The following OCA2 variants were observed in gnomAD, a reference collection of about 807,000 sequenced individuals.
OCA2 encodes P protein.
OCA2 carries 77 observed loss-of-function variants against 100.2 expected under a neutral mutation model. The ratio of observed to expected loss-of-function variants is 0.77; its 90% CI spans 0.64 to 0.93. OCA2 has a LOEUF of 0.93. Ranked by LOEUF, OCA2 falls within the 40% of genes least tolerant of loss-of-function variation. The probability of loss-of-function intolerance (pLI) is 0.00; values close to 1 mark genes in which losing one functional copy is unlikely to be tolerated. For synonymous variants in OCA2, 432 were observed against 439.2 expected (o/e 0.98, Z 0.21); for missense variants, 1,062 against 1,089.1 (o/e 0.98, Z 0.35).
chr15:27,923,900 T>C (rs2038954167), intron 19 of OCA2, among the ~76,000 whole-genome samples: 1 of 152,228 alleles, frequency 6.6e-6, no homozygotes. Flanking sequence ...TTTGTTGCAA[T>C]TGCTTTTGGC....
chr15:27,749,839 C>CT, the OCA2 span, among the ~76,000 whole-genome samples: 43 of 152,164 alleles, frequency 2.8e-4, 2 homozygotes, highest in Middle Eastern at 6.8e-3. Flanking sequence ...CAAAAGAGAC[C>CT]TAAATAAATG....
chr15:27,924,403 T>G (rs889800717), intron 19 of OCA2, among the ~76,000 whole-genome samples: 4 of 152,208 alleles, frequency 2.6e-5, no homozygotes, highest in Admixed American at 1.3e-4. Flanking sequence ...TGTCTTTTTT[T>G]TATCATTTTT....
At chr15:27,824,942 T>G (rs1159696028) in intron 23 of OCA2, among the ~76,000 whole-genome samples, 2 of 151,976 alleles carry the variant, frequency 1.3e-5, no homozygotes, top group Admixed American at 6.6e-5. Context: ...CACAAAAATC[T>G]CCATCTGCCA....
intron 23 of OCA2, chr15:27,776,328 C>T (rs2032209865): frequency 1.3e-5 from 2 of 152,432 alleles, no homozygotes; most frequent in African/African-American, 4.8e-5. Flanking sequence ...TACATTCTTT[C>T]CTTCGCTCCA....
chr15:27,867,290 G>A (rs2036363668), intron 21 of OCA2, among the ~76,000 whole-genome samples: 2 of 152,058 alleles, frequency 1.3e-5, no homozygotes, highest in Non-Finnish European at 2.9e-5. Context: ...TCAATCTAAA[G>A]AAGTCAGGAA....
At chr15:27,915,116 T>G (rs2038615115) in intron 19 of OCA2, among the ~76,000 whole-genome samples, 1 of 152,030 alleles carries the variant, frequency 6.6e-6, no homozygotes, top group Non-Finnish European at 1.5e-5. Context: ...GGGAAAGGAC[T>G]CCCCGTTCAA....
intron 23 of OCA2, among the ~76,000 whole-genome samples, chr15:27,792,451 AATC>A (rs2033130446): frequency 6.6e-6 from 1 of 152,102 alleles, no homozygotes. Flanking sequence ...TATGGCTAAA[AATC>A]ATCTAGTGGC....
At chr15:28,056,521 AC>A (rs751227639) in intron 2 of OCA2, among the ~76,000 whole-genome samples, 3 of 152,248 alleles carry the variant, frequency 2.0e-5, no homozygotes, top group Non-Finnish European at 4.4e-5. Flanking sequence ...CTGCTCAGGG[AC>A]ATCTGCACAG....
intron 2 of OCA2, among the ~76,000 whole-genome samples, chr15:28,050,366 G>A (rs2043472239): frequency 1.3e-5 from 2 of 152,130 alleles, no homozygotes; most frequent in African/African-American, 2.4e-5. Context: ...AGACCAGCCT[G>A]GCCAACATGG....
In OCA2 at chr15:27,972,273, A is replaced by G. The variant is rs139010216; in HGVS notation, c.1504-5451T>C. On this transcript the variant is annotated intron_variant, in intron 14 of 23. Transcript: ENST00000354638. ...GTTGATAGGCATTTAGGTTGAGTCC[A>G]TATCTCTGCAGTTGTGAATTGTGCT... Among the ~76,000 whole-genome samples, 12 of 152,282 alleles carry G rather than the reference A, an allele frequency of 7.9e-5. 1 individual carries two copies. The highest frequency in any genetic ancestry group is 2.6e-4 in the African/African-American group (11 of 41,556).
chr15:27,988,237 C>T (rs1367996127), intron 11 of OCA2, among the ~76,000 whole-genome samples: 2 of 151,780 alleles, frequency 1.3e-5, no homozygotes, highest in Admixed American at 1.3e-4. Context: ...CCCTGCAGTT[C>T]CAGAATCACA....
intron 23 of OCA2, among the ~76,000 whole-genome samples, chr15:27,785,448 C>T (rs2032762903): frequency 6.6e-6 from 1 of 152,064 alleles, no homozygotes; most frequent in South Asian, 2.1e-4. Context: ...GCCATTTATC[C>T]AAAGAAGATC....
intron 9 of OCA2, among the ~76,000 whole-genome samples, chr15:27,997,442 C>T (rs1206160982): frequency 6.7e-6 from 1 of 150,296 alleles, no homozygotes; most frequent in African/African-American, 2.4e-5. Context: ...GGAATCCTTT[C>T]CCCATTGCTT....
chr15:27,983,371 CAA>C lies in OCA2; in HGVS notation c.1475_1476del (p.Ile492SerfsTer46). The C allele has an allele frequency of 6.2e-7, 1 of 1,614,168 alleles. No individual in the cohort carries two copies. Among genetic ancestry groups the C allele is most frequent in the Non-Finnish European group, 8.5e-7 (1 of 1,180,040 alleles). On this transcript the variant is annotated frameshift_variant, in exon 14 of 24. Transcript: ENST00000354638. LOFTEE classifies it high-confidence loss of function. Reference protein sequence around the residue: ...TAIGDPPNVIIVSNQELRKMG... With the variant: ...TAIGDPPNVIXVSNQELRKMG... ...ATCTTCCTCAGCTCTTGGTTGGAAA[CAA>C]TAATGACATTTGGAGGGTCCCCGAT...
At chr15:27,832,830 A>AT (rs112415796) in intron 23 of OCA2, among the ~76,000 whole-genome samples, 3,658 of 135,668 alleles carry the variant, frequency 0.027, 208 homozygotes, top group African/African-American at 0.084. Context: ...TAAATATCTG[A>AT]TTTTTTTTTT....
intron 2 of OCA2, among the ~76,000 whole-genome samples, chr15:28,062,587 T>C (rs1007294335): frequency 2.0e-5 from 3 of 152,176 alleles, no homozygotes; most frequent in African/African-American, 4.8e-5. Flanking sequence ...ATTTATGTAC[T>C]TTTTTTGTTT....
chr15:27,951,925 G>A lies in OCA2; in HGVS notation c.1843-33C>T, dbSNP rs747504570. ...AGAGAAACCACAGCTCATTTACTCT[G>A]CACAACCTTCTGACTCCTGCAGCGT... On this transcript the variant is annotated intron_variant, in intron 17 of 23. Transcript: ENST00000354638. The A allele has an allele frequency of 9.8e-6, 14 of 1,425,490 alleles. No individual in the cohort carries two copies. The East Asian group carries it at 2.3e-4, about 23-fold the overall frequency. The allele number at this position is 1,425,490 out of a possible 1,614,324, so 88.3% of individuals were successfully genotyped here.
At chr15:27,723,667 T>C in the OCA2 span, among the ~76,000 whole-genome samples, 2 of 152,104 alleles carry the variant, frequency 1.3e-5, no homozygotes, top group African/African-American at 2.4e-5. Flanking sequence ...CATTTTCCTC[T>C]TTGCCTCCGC....
intron 23 of OCA2, among the ~76,000 whole-genome samples, chr15:27,780,996 G>C (rs1451562126): frequency 6.6e-6 from 1 of 152,172 alleles, no homozygotes; most frequent in African/African-American, 2.4e-5. Flanking sequence ...TCTAAGCTGA[G>C]TGTCTCTTCT....
Sources: gnomAD v4.1 joint callset for allele counts (sites outside exome capture counted in the v4.1 genomes callset) on GRCh38, gnomAD v4.1.1 for gene constraint, MANE v1.5 for transcripts, NCBI Gene and HGNC (gene_info 2026-07-23, HGNC 2026-07-21) for gene names.